Variants in PCSK5 observed in about 807,000 individuals in gnomAD.
The protein encoded by PCSK5 is proprotein convertase subtilisin/kexin type 5.
Under a neutral mutation model 233.2 loss-of-function variants are expected in PCSK5, and 129 were observed. The ratio of observed to expected loss-of-function variants is 0.55; its 90% confidence interval spans 0.48 to 0.64. The LOEUF (loss-of-function observed/expected upper bound fraction) is 0.64. PCSK5 is among the 30% of genes least tolerant of loss of function. The probability of loss-of-function intolerance (pLI) is 0.00; values close to 1 mark genes in which losing one functional copy is unlikely to be tolerated. For missense variants in PCSK5, 2,076 were observed against 2,430.1 expected, an observed-to-expected ratio of 0.85 and a Z score of 3.06; for synonymous variants, 825 against 879.2, an observed-to-expected ratio of 0.94 and a Z score of 1.09.
At chr9:76,312,745 A>G (rs1008641925) in intron 30 of PCSK5, among the ~76,000 whole-genome samples, 1 of 152,196 alleles carries the variant, frequency 6.6e-6, no homozygotes, top group Non-Finnish European at 1.5e-5. Context: ...TACTGATGCA[A>G]TATCAATATA....
chr9:76,355,239 A>G (rs1463153624), intron 37 of PCSK5, among the ~76,000 whole-genome samples: 1 of 152,134 alleles, frequency 6.6e-6, no homozygotes, highest in Non-Finnish European at 1.5e-5. Context: ...TTGCGGAGCC[A>G]AGGAGGGCGG....
chr9:76,354,003 C>T, intron 36 of PCSK5, 30 bp from the exon 37 acceptor site: 2 of 1,557,310 alleles, frequency 1.3e-6, no homozygotes, highest in Non-Finnish European at 1.7e-6. Flanking sequence ...CCTTTACACT[C>T]AAAAGGAACC....
At chr9:75,922,891 C>T (rs150430554) in intron 1 of PCSK5, among the ~76,000 whole-genome samples, 1 of 152,258 alleles carries the variant, frequency 6.6e-6, no homozygotes, top group Non-Finnish European at 1.5e-5. Flanking sequence ...TTCTTACCCG[C>T]TCAGGATTCG....
intron 21 of PCSK5, among the ~76,000 whole-genome samples, chr9:76,231,604 T>C (rs1292085580): frequency 6.6e-6 from 1 of 152,200 alleles, no homozygotes; most frequent in Non-Finnish European, 1.5e-5. Context: ...TAGAAAGATT[T>C]TGGGTTTTTT....
In PCSK5 at chr9:76,296,706, G is replaced by A; in HGVS notation, c.3364G>A (p.Asp1122Asn). The stretch of plus-strand genomic sequence containing the variant: ...GAAATGTGGTCCTGGATTCTATGGT[G>A]ACCAAGAAATGGGAGAATGTGAGTC... Reference protein sequence around the residue: ...VRKCGPGFYGDQEMGECESCH... With the variant: ...VRKCGPGFYGNQEMGECESCH... The change falls in exon 27 of 38, where the codon GAC (aspartate) becomes AAC (asparagine). Residue 1122 changes from aspartate (D) to asparagine (N), a missense_variant. This residue lies in a region of PCSK5 where 1,510 missense variants were observed against 1,538.1 expected (regional missense o/e 0.98). Coordinates refer to ENST00000674117, the MANE Select transcript of PCSK5 (RefSeq NM_001372043.1). 3 of 1,612,642 alleles carry A rather than the reference G, an allele frequency of 1.9e-6. No homozygotes were observed. Among genetic ancestry groups the A allele is most frequent in the Non-Finnish European group, 2.5e-6 (3 of 1,179,684 alleles).
chr9:76,003,034 T>C (rs761907115), intron 3 of PCSK5, among the ~76,000 whole-genome samples: 6 of 152,240 alleles, frequency 3.9e-5, no homozygotes, highest in Non-Finnish European at 7.3e-5. Flanking sequence ...GTTTTCTTAC[T>C]ATGGAGCCTT....
At chr9:76,264,684 A>C (rs1827281202) in intron 24 of PCSK5, among the ~76,000 whole-genome samples, 1 of 152,200 alleles carries the variant, frequency 6.6e-6, no homozygotes, top group Non-Finnish European at 1.5e-5. Flanking sequence ...ACATCAGAGA[A>C]ATGCAAATCA....
At chr9:76,177,394 A>C (rs1019839144) in intron 14 of PCSK5, among the ~76,000 whole-genome samples, 3 of 152,236 alleles carry the variant, frequency 2.0e-5, no homozygotes, top group African/African-American at 7.2e-5. Flanking sequence ...TTTTCCTCTA[A>C]ATACTAAAAA....
At chr9:76,003,128 A>G (rs1827330493) in intron 3 of PCSK5, among the ~76,000 whole-genome samples, 1 of 152,232 alleles carries the variant, frequency 6.6e-6, no homozygotes, top group African/African-American at 2.4e-5. Context: ...ACAGAGGACT[A>G]CGAGGCTATG....
At chr9:76,124,561 A>G (rs1261158637) in intron 9 of PCSK5, among the ~76,000 whole-genome samples, 1 of 149,604 alleles carries the variant, frequency 6.7e-6, no homozygotes, top group Admixed American at 6.7e-5. Flanking sequence ...CCCGGCCAAC[A>G]TGGTGAAACC....
intron 7 of PCSK5, among the ~76,000 whole-genome samples, chr9:76,081,619 T>C (rs998794577): frequency 5.9e-5 from 9 of 152,102 alleles, no homozygotes; most frequent in African/African-American, 2.2e-4. Flanking sequence ...TTTGAATTGC[T>C]TTTAAATTTA....
In PCSK5 at chr9:76,334,240, G is replaced by A. The variant is rs1829615712; in HGVS notation, c.4748+1630G>A. 2.6e-5 allele frequency among the ~76,000 whole-genome samples: 4 copies of A among 152,260 alleles called. No individual in the cohort carries two copies. The South Asian group carries it at 6.2e-4, about 24-fold the overall frequency. On this transcript the variant is annotated intron_variant, in intron 34 of 37. Transcript: ENST00000674117. The stretch of plus-strand genomic sequence containing the variant: ...CACAGGGTCCCTCCCACAGCACATG[G>A]GAATTATGGGAGTACAATTCAAGAT...
chr9:76,236,198 T>C (rs1253681936), intron 22 of PCSK5, among the ~76,000 whole-genome samples: 1 of 152,196 alleles, frequency 6.6e-6, no homozygotes, highest in Non-Finnish European at 1.5e-5. Context: ...TCATCAAGTT[T>C]ATTTTCAGAA....
intron 11 of PCSK5, among the ~76,000 whole-genome samples, chr9:76,158,338 A>G (rs569336687): frequency 1.7e-4 from 26 of 152,308 alleles, no homozygotes; most frequent in African/African-American, 6.3e-4. Flanking sequence ...CAACAACAAC[A>G]AAAGTACTTC....
At chr9:76,095,244 G>A (rs1263137616) in intron 7 of PCSK5, among the ~76,000 whole-genome samples, 2 of 152,184 alleles carry the variant, frequency 1.3e-5, no homozygotes, top group Admixed American at 6.5e-5. Flanking sequence ...TCTATAGAAA[G>A]AAGTACACAG....
intron 2 of PCSK5, among the ~76,000 whole-genome samples, chr9:75,938,074 T>C (rs995682939): frequency 1.3e-5 from 2 of 152,196 alleles, no homozygotes; most frequent in African/African-American, 2.4e-5. Context: ...TTTAAGAACT[T>C]TTCCTTTGCA....
At chr9:75,953,097 C>A (rs1411936534) in intron 2 of PCSK5, among the ~76,000 whole-genome samples, 1 of 152,076 alleles carries the variant, frequency 6.6e-6, no homozygotes, top group Non-Finnish European at 1.5e-5. Context: ...GAAAAAATAT[C>A]CTTAATTGCT....
intron 7 of PCSK5, among the ~76,000 whole-genome samples, chr9:76,090,457 G>T (rs1033810107): frequency 6.6e-6 from 1 of 152,154 alleles, no homozygotes; most frequent in Non-Finnish European, 1.5e-5. Context: ...TGCAAATTCA[G>T]TCTGTTTATT....
intron 7 of PCSK5, among the ~76,000 whole-genome samples, chr9:76,080,239 A>G (rs1830783900): frequency 6.6e-6 from 1 of 152,210 alleles, no homozygotes; most frequent in South Asian, 2.1e-4. Flanking sequence ...GACCCTGTAT[A>G]CAAAACCCCA....
Sources: allele counts gnomAD v4.1 joint callset (sites outside exome capture counted in the v4.1 genomes callset), GRCh38; gene constraint gnomAD v4.1.1; regional missense constraint gnomAD v4.1.1; transcripts MANE v1.5; gene names NCBI Gene and HGNC (gene_info 2026-07-23, HGNC 2026-07-21).